KIRREL3: variants seen among roughly 807,000 people sequenced by gnomAD.
The protein encoded by KIRREL3 is kin of IRRE-like protein 3.
A neutral mutation model predicts 89.7 loss-of-function variants in KIRREL3; 36 were observed. The observed-to-expected ratio is 0.40, with a 90% CI of 0.31 to 0.53. The LOEUF (loss-of-function observed/expected upper bound fraction) is 0.53. KIRREL3 is among the 20% of genes least tolerant of loss of function. KIRREL3 has a pLI of 0.49. For missense variants in KIRREL3, 864 were observed against 1,056.6 expected (o/e 0.82, Z 2.53); for synonymous variants, 445 against 441.4 (o/e 1.01, Z -0.10).
rs750854683 is a variant in KIRREL3 at position 126,954,712 on chromosome 11, C to T, written c.55+45743G>A. Reference sequence around the variant, plus strand: ...GAATATCACAGGCAGTTCATTTTAACAGTAGTCATATATTGAGTTCCTACC... The same window carrying T: ...GAATATCACAGGCAGTTCATTTTAATAGTAGTCATATATTGAGTTCCTACC... On this transcript the variant is annotated intron_variant, in intron 1 of 16. Coordinates refer to ENST00000525144, the MANE Select transcript of KIRREL3 (RefSeq NM_032531.4). This position sits in a 1 kb window ranked among gnomAD's most constrained non-coding sequence, Gnocchi z 4.1. Among the ~76,000 whole-genome samples the T allele has an allele frequency of 6.6e-6, 1 of 152,172 alleles. No individual in the cohort carries two copies. Among genetic ancestry groups the T allele is most frequent in the Non-Finnish European group, 1.5e-5 (1 of 68,022 alleles).
At chr11:126,499,151 C>A (rs1489678955) in intron 4 of KIRREL3, among the ~76,000 whole-genome samples, 1,244 of 128,888 alleles carry the variant, frequency 9.7e-3, no homozygotes, top group Non-Finnish European at 0.011. Context: ...GACTCCGTTT[C>A]AAAAAAAAAA....
rs542904070 is a variant in KIRREL3 at position 126,682,020 on chromosome 11, A to T, written c.56-119108T>A. ...GGAGACCAGATGTCAAGACTGGACT[A>T]CATCTTTATATTCATTTCCAGATTT... On this transcript the variant is annotated intron_variant, in intron 1 of 16. Coordinates refer to ENST00000525144, the MANE Select transcript of KIRREL3 (RefSeq NM_032531.4). The surrounding 1 kb of genome is among the most constrained non-coding windows in gnomAD (Gnocchi z 4.8). The T allele has an allele frequency of 5.4e-6, 2 of 370,508 alleles. No homozygotes were observed. The highest frequency in any genetic ancestry group is 1.5e-4 in the East Asian group (2 of 13,540). 23.0% of individuals were successfully genotyped at this position (370,508 alleles called of 1,614,324 possible). A position where few individuals can be genotyped will look rare whatever the true frequency, so the allele number is the denominator to read the frequency against.
intron 1 of KIRREL3, among the ~76,000 whole-genome samples, chr11:126,638,929 T>C (rs1784422476): frequency 6.6e-6 from 1 of 152,236 alleles, no homozygotes; most frequent in Admixed American, 6.5e-5. Context: ...TTCTAGATGA[T>C]GTAAGCTCTG....
At position 126,844,948 on chromosome 11, in the gene KIRREL3, C is replaced by T. The variant is rs1018240068; in HGVS notation, c.55+155507G>A. 6.6e-6 allele frequency among the ~76,000 whole-genome samples: 1 copy of T among 152,148 alleles called. No individual in the cohort carries two copies. Among genetic ancestry groups the T allele is most frequent in the Non-Finnish European group, 1.5e-5 (1 of 68,024 alleles). On this transcript the variant is annotated intron_variant, in intron 1 of 16. Transcript: ENST00000525144. The surrounding 1 kb of genome is among the most constrained non-coding windows in gnomAD (Gnocchi z 4.8). ...TGGGTCTTACTCTGGCCTCTCTGAG[C>T]TCTCTGCCTTCCCCACCCTGCTGTG... is the stretch of plus-strand genomic sequence containing the variant.
chr11:126,981,598 A>G lies in KIRREL3; in HGVS notation c.55+18857T>C, dbSNP rs1352575778. ...GCAAGGAGGTATTTCTTAATCTGAG[A>G]AGACATCTTGCCTTTTATGGCACTG... On this transcript the variant is annotated intron_variant, in intron 1 of 16. Coordinates refer to ENST00000525144, the MANE Select transcript of KIRREL3 (RefSeq NM_032531.4). The surrounding 1 kb of genome is among the most constrained non-coding windows in gnomAD (Gnocchi z 4.2). 1.3e-5 allele frequency among the ~76,000 whole-genome samples: 2 copies of G among 152,200 alleles called. No homozygotes were observed. The highest frequency in any genetic ancestry group is 1.3e-4 in the Admixed American group (2 of 15,280).
intron 1 of KIRREL3, among the ~76,000 whole-genome samples, chr11:126,720,127 A>G (rs1948114848): frequency 6.6e-6 from 1 of 152,182 alleles, no homozygotes; most frequent in South Asian, 2.1e-4. Flanking sequence ...TCTTCATTGA[A>G]CTTATTGCCT....
rs1234694868 is a variant in KIRREL3 at position 126,802,659 on chromosome 11, C to T, written c.55+197796G>A. On this transcript the variant is annotated intron_variant, in intron 1 of 16. Transcript: ENST00000525144. This position sits in a 1 kb window ranked among gnomAD's most constrained non-coding sequence, Gnocchi z 5.2. ...GCTGGCTCCCGCCTGGCACCCTGAG[C>T]TGCTGGGACAGGCTCTGGGCACTGC... Among the ~76,000 whole-genome samples the T allele has an allele frequency of 2.0e-5, 3 of 152,156 alleles. No individual in the cohort carries two copies. The highest frequency in any genetic ancestry group is 2.9e-5 in the Non-Finnish European group (2 of 68,026).
chr11:126,800,003 T>A (rs1472918833), intron 1 of KIRREL3, among the ~76,000 whole-genome samples: 2 of 152,116 alleles, frequency 1.3e-5, no homozygotes, highest in East Asian at 3.9e-4. Flanking sequence ...TCAATCAGGA[T>A]CTCTGTGGGT....
Position 126,522,444 on chromosome 11 carries a change from G to A in KIRREL3, c.284-980C>T, listed in dbSNP as rs1958627673. ...TTTGAGTCACAGTGGACCCTGTCTA[G>A]TCATTCCTCCTGTCCCGCCAGAAGC... On this transcript the variant is annotated intron_variant, in intron 3 of 16. Coordinates refer to ENST00000525144, the MANE Select transcript of KIRREL3 (RefSeq NM_032531.4). The surrounding 1 kb of genome is among the most constrained non-coding windows in gnomAD (Gnocchi z 6.0). 6.6e-6 allele frequency among the ~76,000 whole-genome samples: 1 copy of A among 152,210 alleles called. No homozygotes were observed. Among genetic ancestry groups the A allele is most frequent in the African/African-American group, 2.4e-5 (1 of 41,458 alleles).
At chr11:126,980,049 A>G (rs1344704497) in intron 1 of KIRREL3, among the ~76,000 whole-genome samples, 2 of 152,230 alleles carry the variant, frequency 1.3e-5, no homozygotes, top group East Asian at 3.8e-4. Context: ...TATACACATT[A>G]TGTCGGCAGA....
Position 126,640,763 on chromosome 11 carries a change from C to T in KIRREL3, c.56-77851G>A, listed in dbSNP as rs1272633075. ...TATGAGGGGTCGCTCAGAATGGAGG[C>T]ATGCATGAAAGAATATTCCTGGGTT... On this transcript the variant is annotated intron_variant, in intron 1 of 16. Transcript: ENST00000525144. The surrounding 1 kb of genome is among the most constrained non-coding windows in gnomAD (Gnocchi z 4.9). 6.6e-6 allele frequency among the ~76,000 whole-genome samples: 1 copy of T among 152,120 alleles called. No individual in the cohort carries two copies. Among genetic ancestry groups the T allele is most frequent in the African/African-American group, 2.4e-5 (1 of 41,430 alleles).
chr11:126,522,187 G>T lies in KIRREL3; in HGVS notation c.284-723C>A, dbSNP rs1024247617. ...GGAAAGTGGTGTGCTCAGCACTGTGGTCTACCAAGCAGACATGCATTTTGA... is the reference window on the plus strand; with the variant it reads ...GGAAAGTGGTGTGCTCAGCACTGTGTTCTACCAAGCAGACATGCATTTTGA... On this transcript the variant is annotated intron_variant, in intron 3 of 16. Transcript: ENST00000525144. The surrounding 1 kb of genome is among the most constrained non-coding windows in gnomAD (Gnocchi z 6.0). Among the ~76,000 whole-genome samples, 1 of 152,168 alleles carries T rather than the reference G, an allele frequency of 6.6e-6. No individual in the cohort carries two copies. The highest frequency in any genetic ancestry group is 6.5e-5 in the Admixed American group (1 of 15,274).
intron 1 of KIRREL3, among the ~76,000 whole-genome samples, chr11:126,737,802 A>T (rs1362576355): frequency 1.3e-5 from 2 of 152,192 alleles, no homozygotes; most frequent in Non-Finnish European, 2.9e-5. Flanking sequence ...AGTATACAAC[A>T]TGTAATGGTC....
rs917249977 is a variant in KIRREL3 at position 126,611,423 on chromosome 11, C to T, written c.56-48511G>A. ...GATTGATCCATCAGTCTGCATTCTC[C>T]TTGCCGTCCTTGGTATGCACACACA... is the stretch of plus-strand genomic sequence containing the variant. On this transcript the variant is annotated intron_variant, in intron 1 of 16. Coordinates refer to ENST00000525144, the MANE Select transcript of KIRREL3 (RefSeq NM_032531.4). The surrounding 1 kb of genome is among the most constrained non-coding windows in gnomAD (Gnocchi z 4.7). 6.6e-6 allele frequency among the ~76,000 whole-genome samples: 1 copy of T among 152,170 alleles called. No individual in the cohort carries two copies. The highest frequency in any genetic ancestry group is 2.4e-5 in the African/African-American group (1 of 41,446).
At chr11:127,002,346 G>C (rs1950329922), upstream of KIRREL3, among the ~76,000 whole-genome samples, 1 of 152,220 alleles carries the variant, frequency 6.6e-6, no homozygotes, top group South Asian at 2.1e-4. Context: ...TTTGGGAGGA[G>C]AAACAGAAAT....
Position 126,791,360 on chromosome 11 carries a change from T to C in KIRREL3, c.55+209095A>G, listed in dbSNP as rs1950634982. On this transcript the variant is annotated intron_variant, in intron 1 of 16. Coordinates refer to ENST00000525144, the MANE Select transcript of KIRREL3 (RefSeq NM_032531.4). The surrounding 1 kb of genome is among the most constrained non-coding windows in gnomAD (Gnocchi z 4.8). ...CCAATTCATCGTCCCTGGCCTGGGCTGCATGCAGCCAGCTACCCGCTTCCC... is the reference window on the plus strand; with the variant it reads ...CCAATTCATCGTCCCTGGCCTGGGCCGCATGCAGCCAGCTACCCGCTTCCC... Among the ~76,000 whole-genome samples the C allele has an allele frequency of 6.6e-6, 1 of 152,232 alleles. No individual in the cohort carries two copies. Among genetic ancestry groups the C allele is most frequent in the African/African-American group, 2.4e-5 (1 of 41,470 alleles).
At chr11:126,887,765 C>T (rs753128783) in intron 1 of KIRREL3, among the ~76,000 whole-genome samples, 4 of 152,232 alleles carry the variant, frequency 2.6e-5, no homozygotes, top group African/African-American at 7.2e-5. Context: ...CTCTACTCAA[C>T]CGCTGAGTAA....
intron 1 of KIRREL3, among the ~76,000 whole-genome samples, chr11:126,839,078 T>G (rs916066552): frequency 2.0e-5 from 3 of 152,210 alleles, no homozygotes; most frequent in African/African-American, 7.2e-5. Flanking sequence ...GTCAAGCCTC[T>G]AGCCAGCGAT....
intron 1 of KIRREL3, among the ~76,000 whole-genome samples, chr11:126,956,803 T>G (rs971681187): frequency 5.3e-5 from 8 of 152,280 alleles, no homozygotes; most frequent in African/African-American, 1.9e-4. Flanking sequence ...GAAACCACAA[T>G]GCACCGTTAT....
Sources: gnomAD v4.1 joint callset for allele counts (sites outside exome capture counted in the v4.1 genomes callset) on GRCh38, gnomAD v4.1.1 for gene constraint, Gnocchi (gnomAD v3.1) non-coding constraint, MANE v1.5 for transcripts, NCBI Gene and HGNC (gene_info 2026-07-23, HGNC 2026-07-21) for gene names.